Variants in FMN2 observed in about 807,000 individuals in gnomAD.
FMN2 encodes formin-2.
Under a neutral mutation model 142.3 loss-of-function variants are expected in FMN2, and 51 were observed. That is an observed-to-expected ratio of 0.36 (90% CI 0.29 to 0.45). The LOEUF (loss-of-function observed/expected upper bound fraction) is 0.45, where lower values mean the gene tolerates loss of function less well. Ranked by LOEUF, FMN2 falls within the 20% of genes least tolerant of loss-of-function variation. The pLI is 1.00. For missense variants in FMN2, 1,936 were observed against 2,122.8 expected (o/e 0.91, Z 1.73); for synonymous variants, 882 against 869.8 (o/e 1.01, Z -0.25).
chr1:240,130,848 TA>T (rs138984335), intron 2 of FMN2, among the ~76,000 whole-genome samples: 16,936 of 152,176 alleles, frequency 0.11, 1,263 homozygotes, highest in African/African-American at 0.19. Flanking sequence ...TCTTCTAATT[TA>T]GGTCAGGTTC....
chr1:240,174,945 A>G (rs1338238200), intron 2 of FMN2, among the ~76,000 whole-genome samples: 4 of 152,116 alleles, frequency 2.6e-5, no homozygotes, highest in Non-Finnish European at 5.9e-5. Flanking sequence ...CTTCTTGCAA[A>G]ACTGAAAGTC....
At chr1:240,271,417 AT>A (rs199805120) in intron 7 of FMN2, among the ~76,000 whole-genome samples, 2,128 of 138,914 alleles carry the variant, frequency 0.015, 25 homozygotes, top group African/African-American at 0.032. Context: ...TCAGTGTCTG[AT>A]TTTTTTTTTT....
intron 8 of FMN2, among the ~76,000 whole-genome samples, chr1:240,303,738 T>C (rs970830186): frequency 6.6e-6 from 1 of 152,160 alleles, no homozygotes. Context: ...CATTATTTTT[T>C]AAAAATATCC....
chr1:240,278,888 A>G (rs1572148261), intron 7 of FMN2, among the ~76,000 whole-genome samples: 1 of 152,164 alleles, frequency 6.6e-6, no homozygotes, highest in East Asian at 1.9e-4. Flanking sequence ...TTTTGTAATG[A>G]TGGAATGAGA....
chr1:240,337,203 C>CTTTTTTT (rs752506621), intron 13 of FMN2, among the ~76,000 whole-genome samples: 3 of 90,562 alleles, frequency 3.3e-5, no homozygotes, highest in Non-Finnish European at 4.6e-5. Context: ...TATTCCTTTT[C>CTTTTTTT]TTTTTTTTTT....
rs368475404 is a variant in FMN2, at chr1:240,368,689, C to T, written c.4858+12781C>T. On this transcript the variant is annotated intron_variant, in intron 14 of 17. Coordinates refer to ENST00000319653, the MANE Select transcript of FMN2 (RefSeq NM_020066.5). ...TTCTTCCTTTTTTCTGGTCATTTTG[C>T]ACTGTGTTGTACCTTTAGTATAATA... Among the ~76,000 whole-genome samples the T allele has an allele frequency of 2.0e-5, 3 of 151,776 alleles. No homozygotes were observed. In the East Asian group the frequency reaches 5.8e-4, roughly 29 times the overall value.
intron 2 of FMN2, among the ~76,000 whole-genome samples, chr1:240,128,641 G>A (rs1174707121): frequency 7.2e-5 from 11 of 152,100 alleles, no homozygotes; most frequent in East Asian, 3.9e-4. Flanking sequence ...AATGGACATC[G>A]GTTTGGATGA....
intron 16 of FMN2, among the ~76,000 whole-genome samples, chr1:240,451,921 TA>T (rs1425818864): frequency 6.6e-6 from 1 of 151,932 alleles, no homozygotes; most frequent in Non-Finnish European, 1.5e-5. Context: ...CTCTGAAAAA[TA>T]AAAAAACTTA....
At chr1:240,294,791 G>A in intron 7 of FMN2, 31 bp from the exon 8 acceptor site, 1 of 1,610,786 alleles carries the variant, frequency 6.2e-7, no homozygotes, top group Non-Finnish European at 8.5e-7. Flanking sequence ...GGTGGCTTAT[G>A]GCAATTTATA....
chr1:240,450,404 T>A (rs1018444174), intron 16 of FMN2, among the ~76,000 whole-genome samples: 3 of 152,216 alleles, frequency 2.0e-5, no homozygotes, highest in Non-Finnish European at 1.5e-5. Context: ...TTTCCTAAGA[T>A]CTGTAATAAA....
chr1:240,453,259 T>C (rs6674139), intron 16 of FMN2, among the ~76,000 whole-genome samples: 102,179 of 152,022 alleles, frequency 0.67, 34,411 homozygotes, highest in Admixed American at 0.72. Context: ...AATAAATTCA[T>C]AGAAGCCAAA....
chr1:240,459,507 C>T (rs1196333809), intron 16 of FMN2: 1 of 151,968 alleles, frequency 6.6e-6, no homozygotes, highest in East Asian at 1.9e-4. Flanking sequence ...ATCACGAGGT[C>T]AGGAGTTTGA....
At chr1:240,188,551 G>C (rs570807831) in intron 4 of FMN2, among the ~76,000 whole-genome samples, 24 of 152,300 alleles carry the variant, frequency 1.6e-4, no homozygotes, top group African/African-American at 5.3e-4. Flanking sequence ...GCAGGAAACG[G>C]TGGCCACTCC....
chr1:240,425,456 T>TC (rs1255414336), intron 15 of FMN2, among the ~76,000 whole-genome samples: 1 of 152,164 alleles, frequency 6.6e-6, no homozygotes, highest in Non-Finnish European at 1.5e-5. Context: ...TTTAGCTTAC[T>TC]CCCCCCACCC....
Position 240,393,604 on chromosome 1 carries a change from A to G in FMN2, c.4910+1042A>G, listed in dbSNP as rs539210865. On this transcript the variant is annotated intron_variant, in intron 15 of 17. Coordinates refer to ENST00000319653, the MANE Select transcript of FMN2 (RefSeq NM_020066.5). Reference sequence around the variant, plus strand: ...GTCACACATCTCTCACTTTAAAACAAAAGCTAGAAATGGTTAACCTTAATG... The same window carrying G: ...GTCACACATCTCTCACTTTAAAACAGAAGCTAGAAATGGTTAACCTTAATG... Among the ~76,000 whole-genome samples the G allele has an allele frequency of 8.3e-4, 126 of 152,366 alleles. 2 individuals are homozygous for G. The highest frequency in any genetic ancestry group is 2.9e-3 in the African/African-American group (119 of 41,588).
chr1:240,130,277 G>A (rs1391332546), intron 2 of FMN2, among the ~76,000 whole-genome samples: 2 of 152,106 alleles, frequency 1.3e-5, no homozygotes, highest in African/African-American at 4.8e-5. Flanking sequence ...CCTGGGTCAA[G>A]TTCAAAAGAA....
intron 7 of FMN2, among the ~76,000 whole-genome samples, chr1:240,283,060 C>T (rs909922476): frequency 7.2e-5 from 11 of 152,078 alleles, no homozygotes; most frequent in South Asian, 4.1e-4. Flanking sequence ...ATGCACCTCC[C>T]GAAGGTTTCT....
chr1:240,339,576 T>C lies in FMN2; in HGVS notation c.4765+5347T>C, dbSNP rs925068479. Among the ~76,000 whole-genome samples, 16 of 152,136 alleles carry C rather than the reference T, an allele frequency of 1.1e-4. 1 individual carries two copies. The highest frequency in any genetic ancestry group is 3.9e-4 in the African/African-American group (16 of 41,466). ...ATATACATACAAAATTTACCATCTTTACCATTTTTAAGTTATATTTTAAAA... is the reference window on the plus strand; with the variant it reads ...ATATACATACAAAATTTACCATCTTCACCATTTTTAAGTTATATTTTAAAA... On this transcript the variant is annotated intron_variant, in intron 13 of 17. Transcript: ENST00000319653.
At chr1:240,448,346 A>G (rs1572326482) in intron 16 of FMN2, among the ~76,000 whole-genome samples, 1 of 152,178 alleles carries the variant, frequency 6.6e-6, no homozygotes, top group Admixed American at 6.5e-5. Context: ...ATATACACAC[A>G]TGCAAAAAAT....
Sources: gnomAD v4.1 joint callset for allele counts (sites outside exome capture counted in the v4.1 genomes callset) on GRCh38, gnomAD v4.1.1 for gene constraint, MANE v1.5 for transcripts, NCBI Gene and HGNC (gene_info 2026-07-23, HGNC 2026-07-21) for gene names.